Variants in HSF5 observed in about 807,000 individuals in gnomAD.
HSF5 encodes heat shock factor protein 5.
Under a neutral mutation model 50.8 loss-of-function variants are expected in HSF5, and 5 were observed. The observed-to-expected ratio is 0.10, with a 90% CI of 0.05 to 0.21. The LOEUF is 0.21. Ranked by LOEUF, HSF5 falls within the 10% of genes least tolerant of loss-of-function variation. The pLI, the probability that HSF5 is intolerant of heterozygous loss-of-function variation, is 1.00. For synonymous variants in HSF5, 307 were observed against 307.4 expected, an observed-to-expected ratio of 1.00 and a Z score of 0.02; for missense variants, 564 against 762.6, an observed-to-expected ratio of 0.74 and a Z score of 3.07.
intron 5 of HSF5, among the ~76,000 whole-genome samples, chr17:58,422,723 T>A (rs890261749): frequency 2.0e-5 from 3 of 151,028 alleles, no homozygotes; most frequent in Admixed American, 6.6e-5. Flanking sequence ...GAGACGGAGT[T>A]TTGCTCTTAT....
intron 5 of HSF5, among the ~76,000 whole-genome samples, chr17:58,434,787 A>C (rs1974405775): frequency 6.6e-6 from 1 of 152,184 alleles, no homozygotes; most frequent in Non-Finnish European, 1.5e-5. Flanking sequence ...CGGGAAGTCG[A>C]GGTTGCAGTG....
At chr17:58,452,918 C>T (rs1034301780) in intron 5 of HSF5, among the ~76,000 whole-genome samples, 5 of 152,080 alleles carry the variant, frequency 3.3e-5, no homozygotes, top group African/African-American at 1.2e-4. Context: ...GCCTGTGGTC[C>T]CAGCTACTCA....
chr17:58,429,229 G>T (rs1279976401), intron 5 of HSF5, among the ~76,000 whole-genome samples: 1 of 152,202 alleles, frequency 6.6e-6, no homozygotes, highest in East Asian at 1.9e-4. Flanking sequence ...ATTGGTAGTT[G>T]CCAGGGGCTG....
Position 58,422,145 on chromosome 17 carries a change from G to T in HSF5, c.*215C>A. 2.0e-6 allele frequency: 1 copy of T among 488,334 alleles called. No individual in the cohort carries two copies. The highest frequency in any genetic ancestry group is 3.6e-6 in the Non-Finnish European group (1 of 274,224). 30.3% of individuals were successfully genotyped at this position (488,334 alleles called of 1,614,324 possible). A position where few individuals can be genotyped will look rare whatever the true frequency, so the allele number is the denominator to read the frequency against. Reference sequence around the variant, plus strand: ...GGGCAGCCAAAAAACGTGGCTGCTAGATGTTCAGTAGTTTGTCAAGGCAGA... The same window carrying T: ...GGGCAGCCAAAAAACGTGGCTGCTATATGTTCAGTAGTTTGTCAAGGCAGA... On this transcript the variant is annotated 3_prime_UTR_variant, in exon 6 of 6. Transcript: ENST00000323777.
chr17:58,463,191 A>C lies in HSF5; in HGVS notation c.1133T>G (p.Ile378Arg), dbSNP rs773790254. ...TEVNLEAVFQIVDELHSSPKL... is the reference protein window; with the variant it reads ...TEVNLEAVFQRVDELHSSPKL... Reference sequence around the variant, plus strand: ...AGGGGAGGAATGCAACTCATCAACTATCTGAAAGACAGCCTCTAGGTTTAC... The same window carrying C: ...AGGGGAGGAATGCAACTCATCAACTCTCTGAAAGACAGCCTCTAGGTTTAC... Residue 378 changes from isoleucine (I) to arginine (R), a missense_variant, in exon 4 of 6, where the codon ATA (isoleucine) becomes AGA (arginine). Coordinates refer to ENST00000323777, the MANE Select transcript of HSF5 (RefSeq NM_001080439.3). The C allele has an allele frequency of 4.3e-6, 7 of 1,614,190 alleles. No individual in the cohort carries two copies. Among genetic ancestry groups the C allele is most frequent in the South Asian group, 1.1e-5 (1 of 91,088 alleles).
intron 3 of HSF5, 55 bp from the exon 4 acceptor site, chr17:58,463,358 G>T: frequency 7.1e-7 from 1 of 1,408,354 alleles, no homozygotes; most frequent in East Asian, 2.3e-5. Context: ...TGAGATTAAG[G>T]AGGAAAGCTA....
intron 5 of HSF5, among the ~76,000 whole-genome samples, chr17:58,425,790 G>T (rs757857585): frequency 6.6e-6 from 1 of 152,158 alleles, no homozygotes; most frequent in African/African-American, 2.4e-5. Context: ...CTAGGAGGAA[G>T]AGCCTCTAAG....
chr17:58,444,461 G>C (rs896800462), intron 5 of HSF5, among the ~76,000 whole-genome samples: 8 of 152,100 alleles, frequency 5.3e-5, no homozygotes, highest in Non-Finnish European at 1.2e-4. Flanking sequence ...CACTCACTGG[G>C]GAAAGGACAA....
chr17:58,478,136 T>C (rs1320106381), intron 2 of HSF5, among the ~76,000 whole-genome samples: 3 of 151,860 alleles, frequency 2.0e-5, no homozygotes, highest in Non-Finnish European at 2.9e-5. Context: ...TTTTGCAAAA[T>C]TGAAAATACA....
intron 1 of HSF5, among the ~76,000 whole-genome samples, chr17:58,483,834 G>A (rs1975131661): frequency 6.6e-6 from 1 of 152,082 alleles, no homozygotes; most frequent in African/African-American, 2.4e-5. Context: ...AAAAGAACTA[G>A]GTCCTAAAAC....
chr17:58,467,705 C>G (rs1974887220), intron 2 of HSF5, among the ~76,000 whole-genome samples: 1 of 152,208 alleles, frequency 6.6e-6, no homozygotes, highest in Non-Finnish European at 1.5e-5. Flanking sequence ...TACTGGTACA[C>G]AGTAAGCAAA....
intron 1 of HSF5, among the ~76,000 whole-genome samples, chr17:58,484,691 T>C (rs1975144932): frequency 6.6e-6 from 1 of 152,116 alleles, no homozygotes; most frequent in Non-Finnish European, 1.5e-5. Context: ...TCAATGGCCA[T>C]CACATGGAAG....
intron 5 of HSF5, among the ~76,000 whole-genome samples, chr17:58,455,273 T>C (rs1974694025): frequency 6.6e-6 from 1 of 152,178 alleles, no homozygotes; most frequent in Admixed American, 6.5e-5. Context: ...TGGATGTCCA[T>C]ATGCAGAAGA....
At chr17:58,448,638 C>T (rs895674571) in intron 5 of HSF5, among the ~76,000 whole-genome samples, 1 of 152,132 alleles carries the variant, frequency 6.6e-6, no homozygotes, top group Admixed American at 6.5e-5. Context: ...CCTAGCAAAG[C>T]TATCCTTCAA....
At chr17:58,442,178 C>A (rs1323277433) in intron 5 of HSF5, among the ~76,000 whole-genome samples, 1 of 152,118 alleles carries the variant, frequency 6.6e-6, no homozygotes, top group Non-Finnish European at 1.5e-5. Context: ...GAGGCTGTCC[C>A]CCAGAAGTCA....
chr17:58,452,138 A>G lies in HSF5; in HGVS notation c.1720+6630T>C, dbSNP rs28896263. On this transcript the variant is annotated intron_variant, in intron 5 of 5. Coordinates refer to ENST00000323777, the MANE Select transcript of HSF5 (RefSeq NM_001080439.3). ...GTGTCACACACGAGGAGTCCTAGCT[A>G]CTCAGGAAGGCTGAGGCAGGAGGAT... Among the ~76,000 whole-genome samples the G allele has an allele frequency of 9.1e-3, 1,383 of 152,058 alleles. 26 individuals are homozygous for G. The highest frequency in any genetic ancestry group is 0.03 in the African/African-American group (1,264 of 41,490).
intron 2 of HSF5, among the ~76,000 whole-genome samples, chr17:58,474,937 A>G (rs930650506): frequency 1.3e-5 from 2 of 152,234 alleles, no homozygotes; most frequent in African/African-American, 4.8e-5. Context: ...TAGCTGGGCA[A>G]ATCTGGGGGA....
At chr17:58,486,361 G>A (rs547031207) in intron 1 of HSF5, among the ~76,000 whole-genome samples, 3 of 152,160 alleles carry the variant, frequency 2.0e-5, no homozygotes, top group South Asian at 2.1e-4. Flanking sequence ...GCGAAACTCC[G>A]TCTCAAAAAA....
intron 5 of HSF5, among the ~76,000 whole-genome samples, chr17:58,434,064 C>T (rs1974396403): frequency 6.6e-6 from 1 of 151,786 alleles, no homozygotes. Context: ...CAGGCGCATG[C>T]CACCCCGCCT....
Sources: gnomAD v4.1 joint callset for allele counts (sites outside exome capture counted in the v4.1 genomes callset) on GRCh38, gnomAD v4.1.1 for gene constraint, MANE v1.5 for transcripts, NCBI Gene and HGNC (gene_info 2026-07-23, HGNC 2026-07-21) for gene names.